The following ASAP2 variants were observed in gnomAD, a reference collection of about 807,000 sequenced individuals.
ASAP2 encodes the protein ArfGAP with SH3 domain, ankyrin repeat and PH domain 2.
A neutral mutation model predicts 131.4 loss-of-function variants in ASAP2; 45 were observed. The observed-to-expected ratio is 0.34, with a 90% CI of 0.27 to 0.44. The LOEUF is 0.44. Ranked by LOEUF, ASAP2 falls within the 20% of genes least tolerant of loss-of-function variation. The pLI, the probability that ASAP2 is intolerant of heterozygous loss-of-function variation, is 1.00. For missense variants in ASAP2, 1,011 were observed against 1,297.0 expected, an observed-to-expected ratio of 0.78 and a Z score of 3.39; for synonymous variants, 510 against 503.0, an observed-to-expected ratio of 1.01 and a Z score of -0.19.
intron 3 of ASAP2, among the ~76,000 whole-genome samples, chr2:9,307,385 G>A (rs1669012802): frequency 6.6e-6 from 1 of 152,216 alleles, no homozygotes; most frequent in African/African-American, 2.4e-5. Flanking sequence ...TCCTGTGGAG[G>A]TCAGAGCTAC....
intron 1 of ASAP2, among the ~76,000 whole-genome samples, chr2:9,258,260 T>A (rs1003408238): frequency 9.9e-5 from 14 of 140,992 alleles, no homozygotes; most frequent in Non-Finnish European, 1.5e-4. Flanking sequence ...AAAAAAAAAA[T>A]TTCTATGATT....
chr2:9,382,398 T>C (rs1674933489), intron 20 of ASAP2, among the ~76,000 whole-genome samples: 1 of 152,226 alleles, frequency 6.6e-6, no homozygotes, highest in Non-Finnish European at 1.5e-5. Context: ...GTCATGTAGC[T>C]ACTATCTGGT....
chr2:9,245,964 TAAAAAC>T (rs1664308931), intron 1 of ASAP2, among the ~76,000 whole-genome samples: 1 of 152,168 alleles, frequency 6.6e-6, no homozygotes, highest in Admixed American at 6.5e-5. Flanking sequence ...ATTAAAACCT[TAAAAAC>T]AAGCATACGA....
chr2:9,374,538 A>C (rs183326921), intron 16 of ASAP2, among the ~76,000 whole-genome samples: 1 of 152,330 alleles, frequency 6.6e-6, no homozygotes, highest in East Asian at 1.9e-4. Flanking sequence ...CTGAGAGAAC[A>C]TGGGGAGTTG....
chr2:9,261,880 G>A (rs1477512015), intron 1 of ASAP2, among the ~76,000 whole-genome samples: 1 of 152,212 alleles, frequency 6.6e-6, no homozygotes, highest in East Asian at 1.9e-4. Flanking sequence ...TAAGACCTGG[G>A]GTTTCATGCC....
At chr2:9,374,493 T>G in intron 16 of ASAP2, among the ~76,000 whole-genome samples, 1 of 150,156 alleles carries the variant, frequency 6.7e-6, no homozygotes, top group African/African-American at 2.5e-5. Context: ...AACTTAGGAG[T>G]GAGGGGAGGG....
At chr2:9,399,156 A>G (rs1437934022) in intron 24 of ASAP2, 2 of 152,322 alleles carry the variant, frequency 1.3e-5, no homozygotes, top group African/African-American at 4.8e-5. Flanking sequence ...GAGGCCAGAC[A>G]GGGTTCATTC....
Position 9,327,922 on chromosome 2 carries a change from C to G in ASAP2, c.686+11C>G. On this transcript the variant is annotated intron_variant, in intron 7 of 27. Coordinates refer to ENST00000281419, the MANE Select transcript of ASAP2 (RefSeq NM_003887.3). ...TCATGCCCAATGCAAGTAAGTTCTT[C>G]TCTGTTATGTTATCTTAAATGTTTG... is the stretch of plus-strand genomic sequence containing the variant. The G allele has an allele frequency of 6.4e-7, 1 of 1,557,266 alleles. No individual in the cohort carries two copies. Among genetic ancestry groups the G allele is most frequent in the South Asian group, 1.2e-5 (1 of 81,326 alleles).
intron 7 of ASAP2, among the ~76,000 whole-genome samples, chr2:9,334,018 C>CTCTCTCTG (rs1553315170): frequency 1.0e-4 from 15 of 146,288 alleles, no homozygotes; most frequent in Admixed American, 4.8e-4. Context: ...ATTTCTCTCT[C>CTCTCTCTG]TCTCTGTCTC....
intron 1 of ASAP2, among the ~76,000 whole-genome samples, chr2:9,247,277 G>A (rs185594911): frequency 7.9e-5 from 12 of 152,272 alleles, no homozygotes; most frequent in African/African-American, 2.9e-4. Context: ...TGAACTCTTC[G>A]CTCCTCAATT....
Position 9,356,067 on chromosome 2 carries a change from C to A in ASAP2, c.1132C>A (p.Gln378Lys). The change falls in exon 13 of 28, where the codon CAA (glutamine) becomes AAA (lysine). Residue 378 changes from glutamine (Q) to lysine (K), a missense_variant. By Grantham distance (53) the Gln-to-Lys change is moderately conservative. Transcript: ENST00000281419. ...TGCAGATGACAGAACTTACCACTTT[C>A]AAGCTGAAGATGAACAGGAATGTCA... ...LISHDRTYHFQAEDEQECQIW... is the reference protein window; with the variant it reads ...LISHDRTYHFKAEDEQECQIW... 6.2e-7 allele frequency: 1 copy of A among 1,614,190 alleles called. No homozygotes were observed. The highest frequency in any genetic ancestry group is 8.5e-7 in the Non-Finnish European group (1 of 1,180,050).
Position 9,334,869 on chromosome 2 carries a change from T to C in ASAP2, c.762+56T>C. The C allele has an allele frequency of 5.9e-6, 9 of 1,533,728 alleles. 1 individual carries two copies. The highest frequency in any genetic ancestry group is 8.1e-6 in the Non-Finnish European group (9 of 1,110,184). ...AACCATCTTAATGCAACAGACATTT[T>C]CATCTAAATGTCACTTCTGTGTAAT... On this transcript the variant is annotated intron_variant, in intron 8 of 27. Transcript: ENST00000281419.
rs574939745 is a variant in ASAP2, at chr2:9,392,400, C to T, written c.2519-1082C>T. ...ATGAGAATTCTAGAGCCGAGGTGCTCGTGACTTCCTTAGAGTAAGTTAAAA... is the reference window on the plus strand; with the variant it reads ...ATGAGAATTCTAGAGCCGAGGTGCTTGTGACTTCCTTAGAGTAAGTTAAAA... On this transcript the variant is annotated intron_variant, in intron 23 of 27. Transcript: ENST00000281419. This position sits in a 1 kb window ranked among gnomAD's most constrained non-coding sequence, Gnocchi z 4.0. Among the ~76,000 whole-genome samples the T allele has an allele frequency of 1.8e-4, 27 of 152,234 alleles. No homozygotes were observed. The highest frequency in any genetic ancestry group is 5.8e-4 in the African/African-American group (24 of 41,530).
At chr2:9,283,316 G>A (rs2148329501) in intron 2 of ASAP2, among the ~76,000 whole-genome samples, 1 of 152,340 alleles carries the variant, frequency 6.6e-6, no homozygotes, top group Admixed American at 6.5e-5. Flanking sequence ...GACCTCAAGT[G>A]ATCCACCAGC....
At chr2:9,252,110 T>C (rs1016784924) in intron 1 of ASAP2, among the ~76,000 whole-genome samples, 2 of 152,170 alleles carry the variant, frequency 1.3e-5, no homozygotes, top group Non-Finnish European at 2.9e-5. Flanking sequence ...CAAAAGCCGT[T>C]AACACACACT....
chr2:9,346,241 C>T (rs889577223), intron 11 of ASAP2, among the ~76,000 whole-genome samples: 3 of 151,988 alleles, frequency 2.0e-5, no homozygotes, highest in African/African-American at 7.2e-5. Flanking sequence ...GCCTGGCCAA[C>T]ATGGCAAAAA....
At position 9,248,110 on chromosome 2, in the gene ASAP2, C is replaced by T. The variant is rs138441156; in HGVS notation, c.127-31207C>T. Among the ~76,000 whole-genome samples the T allele has an allele frequency of 7.6e-4, 115 of 152,296 alleles. 1 individual carries two copies. Among genetic ancestry groups the T allele is most frequent in the African/African-American group, 2.2e-3 (93 of 41,580 alleles). On this transcript the variant is annotated intron_variant, in intron 1 of 27. Coordinates refer to ENST00000281419, the MANE Select transcript of ASAP2 (RefSeq NM_003887.3). Reference sequence around the variant, plus strand: ...GGGGTGGCTGATGGAAGGGGGGCGGCTGACAGCAGCAAGAGATGGCAGGTG... The same window carrying T: ...GGGGTGGCTGATGGAAGGGGGGCGGTTGACAGCAGCAAGAGATGGCAGGTG...
intron 15 of ASAP2, among the ~76,000 whole-genome samples, chr2:9,366,376 C>T (rs1172281449): frequency 1.7e-4 from 26 of 152,120 alleles, no homozygotes; most frequent in Admixed American, 1.7e-3. Flanking sequence ...TGGTTGGCCC[C>T]TGGCTCATAG....
At chr2:9,342,083 A>G (rs983025141) in intron 9 of ASAP2, among the ~76,000 whole-genome samples, 18 of 142,912 alleles carry the variant, frequency 1.3e-4, no homozygotes, top group African/African-American at 4.7e-4. Flanking sequence ...AGATAACAGT[A>G]CTCCCCTAAT....
Sources: allele counts gnomAD v4.1 joint callset (sites outside exome capture counted in the v4.1 genomes callset), GRCh38; gene constraint gnomAD v4.1.1; non-coding constraint Gnocchi (gnomAD v3.1); transcripts MANE v1.5; gene names NCBI Gene and HGNC (gene_info 2026-07-23, HGNC 2026-07-21).